The following GYS2 variants were observed in gnomAD, a reference collection of about 807,000 sequenced individuals.
The protein encoded by GYS2 is glycogen [starch] synthase, liver.
GYS2 carries 80 observed loss-of-function variants against 85.6 expected under a neutral mutation model. The observed-to-expected ratio is 0.93, with a 90% CI of 0.78 to 1.13. GYS2 has a LOEUF of 1.13. Among genes scored for constraint, GYS2 ranks in the 50% most tolerant of loss-of-function variants. The pLI is 0.00. For synonymous variants in GYS2, 328 were observed against 300.7 expected, an observed-to-expected ratio of 1.09 and a Z score of -0.94; for missense variants, 881 against 854.9, an observed-to-expected ratio of 1.03 and a Z score of -0.38.
chr12:21,573,795 G>A (rs1248439603), intron 4 of GYS2, among the ~76,000 whole-genome samples: 2 of 152,238 alleles, frequency 1.3e-5, no homozygotes, highest in Non-Finnish European at 2.9e-5. Context: ...ACTCAGAGCT[G>A]CATGTGGATC....
At chr12:21,570,384 T>G (rs778566484) in intron 4 of GYS2, among the ~76,000 whole-genome samples, 1 of 152,236 alleles carries the variant, frequency 6.6e-6, no homozygotes, top group Non-Finnish European at 1.5e-5. Context: ...AATGAGTATG[T>G]GTCTGAATAA....
intron 1 of GYS2, among the ~76,000 whole-genome samples, chr12:21,588,232 C>A (rs994540549): frequency 2.6e-5 from 4 of 152,304 alleles, no homozygotes; most frequent in Admixed American, 2.0e-4. Context: ...TATTCCATTT[C>A]ATCAGACTAC....
At chr12:21,541,268 C>CAAAA (rs3832848) in intron 13 of GYS2, among the ~76,000 whole-genome samples, 3,867 of 46,028 alleles carry the variant, frequency 0.084, 775 homozygotes, top group East Asian at 0.16. Context: ...ACCATGTTTC[C>CAAAA]AAAAAAAAAA....
At chr12:21,539,406 A>G in intron 14 of GYS2, 68 bp from the exon 15 acceptor site, 2 of 850,258 alleles carry the variant, frequency 2.4e-6, no homozygotes, top group Non-Finnish European at 4.1e-6. Context: ...AAGTTATTAA[A>G]TAAGGCCTTA....
At chr12:21,597,700 A>G (rs1395954803) in intron 1 of GYS2, among the ~76,000 whole-genome samples, 1 of 152,122 alleles carries the variant, frequency 6.6e-6, no homozygotes, top group Non-Finnish European at 1.5e-5. Flanking sequence ...ATTACTGGGT[A>G]TTTATCCAAA....
intron 8 of GYS2, among the ~76,000 whole-genome samples, chr12:21,560,132 A>G (rs1023474227): frequency 1.3e-5 from 2 of 152,146 alleles, no homozygotes; most frequent in Admixed American, 6.5e-5. Context: ...AAAATGTTTG[A>G]CTCATCTTTA....
rs1871129 is a variant in GYS2 at position 21,540,309 on chromosome 12, A to T, written c.1809+101T>A. On this transcript the variant is annotated intron_variant, in intron 14 of 15. Coordinates refer to ENST00000261195, the MANE Select transcript of GYS2 (RefSeq NM_021957.4). ...TGGAGACACTGAGATTTTAACAATT[A>T]TAATATTGGATTAACTTTAGAGATT... The T allele has an allele frequency of 0.19, 200,946 of 1,030,880 alleles. 20,737 individuals carry two copies. Among genetic ancestry groups the T allele is most frequent in the Middle Eastern group, 0.33 (1,128 of 3,428 alleles). 63.9% of individuals were successfully genotyped at this position (1,030,880 alleles called of 1,614,324 possible).
intron 1 of GYS2, among the ~76,000 whole-genome samples, chr12:21,584,108 C>G (rs1027195379): frequency 1.3e-5 from 2 of 152,154 alleles, no homozygotes; most frequent in African/African-American, 4.8e-5. Flanking sequence ...CTAGGACATC[C>G]CTGAAGGACA....
chr12:21,579,315 A>G (rs1400200187), intron 2 of GYS2, among the ~76,000 whole-genome samples: 1 of 150,422 alleles, frequency 6.6e-6, no homozygotes, highest in Non-Finnish European at 1.5e-5. Flanking sequence ...TTCCATGTGT[A>G]GTTTCCAGGG....
intron 13 of GYS2, among the ~76,000 whole-genome samples, chr12:21,542,052 CT>C (rs71053320): frequency 8.7e-4 from 130 of 149,600 alleles, no homozygotes; most frequent in African/African-American, 2.7e-3. Flanking sequence ...TATAAATCTA[CT>C]TTTTTTTTTT....
At position 21,562,958 on chromosome 12, in the gene GYS2, A is replaced by T; in HGVS notation, c.1022T>A (p.Ile341Asn). 6.2e-7 allele frequency: 1 copy of T among 1,611,518 alleles called. No homozygotes were observed. Residue 341 changes from isoleucine to asparagine, a missense_variant, in exon 7 of 16, where the codon ATC (isoleucine) becomes AAC (asparagine). Coordinates refer to ENST00000261195, the MANE Select transcript of GYS2 (RefSeq NM_021957.4). ...RYEFSNKGAD[I>N]FLESLSRLNF... is the part of the protein sequence containing the mutation. ...TAGCCTGGATAAGGATTCTAGGAAGATGTCAGCTCCTTTGTTTGAAAACTC... is the reference window on the plus strand; with the variant it reads ...TAGCCTGGATAAGGATTCTAGGAAGTTGTCAGCTCCTTTGTTTGAAAACTC...
At chr12:21,570,179 C>T (rs1294973747) in intron 4 of GYS2, among the ~76,000 whole-genome samples, 1 of 152,176 alleles carries the variant, frequency 6.6e-6, no homozygotes, top group East Asian at 1.9e-4. Context: ...AATCATCTCT[C>T]TGAAAATGTT....
intron 7 of GYS2, 54 bp from the exon 8 acceptor site, chr12:21,560,546 T>A (rs917840611): frequency 7.0e-6 from 6 of 853,796 alleles, no homozygotes; most frequent in Non-Finnish European, 1.2e-5. Flanking sequence ...TTAAAAAGTA[T>A]GATAGATGGA....
At chr12:21,586,249 T>C (rs1030170096) in intron 1 of GYS2, among the ~76,000 whole-genome samples, 2 of 152,124 alleles carry the variant, frequency 1.3e-5, no homozygotes, top group African/African-American at 4.8e-5. Flanking sequence ...CAAGCCTACA[T>C]CTTTCTCCCA....
At chr12:21,554,899 G>C (rs1410692676) in intron 11 of GYS2, among the ~76,000 whole-genome samples, 1 of 152,106 alleles carries the variant, frequency 6.6e-6, no homozygotes, top group Non-Finnish European at 1.5e-5. Flanking sequence ...TCTTCATTTA[G>C]AACGTCCAAT....
chr12:21,548,566 T>C (rs1233055072), intron 11 of GYS2, among the ~76,000 whole-genome samples: 3 of 152,230 alleles, frequency 2.0e-5, no homozygotes, highest in Non-Finnish European at 1.5e-5. Flanking sequence ...TAGCAATAGC[T>C]GTATTTAAAA....
intron 2 of GYS2, 66 bp downstream of exon 2, chr12:21,580,276 G>A: frequency 7.5e-7 from 1 of 1,337,368 alleles, no homozygotes; most frequent in Non-Finnish European, 1.1e-6. Context: ...GTGAGTTCAT[G>A]TTAGTTACAG....
At chr12:21,597,039 C>T (rs945511737) in intron 1 of GYS2, among the ~76,000 whole-genome samples, 4 of 151,884 alleles carry the variant, frequency 2.6e-5, no homozygotes, top group Admixed American at 2.6e-4. Flanking sequence ...CTATTTATTG[C>T]CATATAAAAC....
intron 15 of GYS2, among the ~76,000 whole-genome samples, chr12:21,538,527 C>G (rs1943935902): frequency 6.6e-6 from 1 of 152,172 alleles, no homozygotes; most frequent in Admixed American, 6.6e-5. Flanking sequence ...GAGATAGAGG[C>G]TCCTGTGGGG....
Sources: gnomAD v4.1 joint callset for allele counts (sites outside exome capture counted in the v4.1 genomes callset) on GRCh38, gnomAD v4.1.1 for gene constraint, MANE v1.5 for transcripts, NCBI Gene and HGNC (gene_info 2026-07-23, HGNC 2026-07-21) for gene names.